Variants in ATE1 observed in about 807,000 individuals in gnomAD.
The protein encoded by ATE1 is arginyl-tRNA--protein transferase 1.
A neutral mutation model predicts 70.5 loss-of-function variants in ATE1; 36 were observed. The ratio of observed to expected loss-of-function variants is 0.51; its 90% CI spans 0.39 to 0.67. ATE1 has a LOEUF of 0.67. Ranked by LOEUF, ATE1 falls within the 30% of genes least tolerant of loss-of-function variation. ATE1 has a pLI of 0.00. For missense variants in ATE1, 593 were observed against 629.5 expected (o/e 0.94, Z 0.62); for synonymous variants, 232 against 219.3 (o/e 1.06, Z -0.51).
At chr10:121,907,532 T>C (rs962830290) in intron 5 of ATE1, among the ~76,000 whole-genome samples, 3 of 151,842 alleles carry the variant, frequency 2.0e-5, no homozygotes, top group East Asian at 3.9e-4. Context: ...CCCAGCACTT[T>C]GGGAGGCCGA....
chr10:121,899,684 C>T (rs1490312153), intron 7 of ATE1, among the ~76,000 whole-genome samples, 182 bp downstream of exon 7: 1 of 152,204 alleles, frequency 6.6e-6, no homozygotes, highest in Non-Finnish European at 1.5e-5. Context: ...TGGTACTTAA[C>T]ATGGCACTAG....
At chr10:121,747,581 A>G (rs1219501) in intron 11 of ATE1, among the ~76,000 whole-genome samples, 140,914 of 152,304 alleles carry the variant, frequency 0.93, 65,543 homozygotes, top group Non-Finnish European at 0.97. Context: ...GTGTCTTCCT[A>G]CTACTGCTAA....
At chr10:121,908,495 T>C (rs758180636) in intron 5 of ATE1, among the ~76,000 whole-genome samples, 49 of 152,148 alleles carry the variant, frequency 3.2e-4, no homozygotes, top group Non-Finnish European at 6.3e-4. Context: ...CAGAGTGAGA[T>C]TCTTTCAAAA....
At chr10:121,928,199 C>T (rs1201478001), upstream of ATE1, 5 of 1,325,014 alleles carry the variant, frequency 3.8e-6, no homozygotes, top group African/African-American at 6.2e-5. Context: ...GAGGGTGAGG[C>T]GGAGAGACAG....
In ATE1 at chr10:121,919,316, T is replaced by TG. The variant is rs538766865; in HGVS notation, c.233+3032dup. ...ACCAACTCCAGATACACCAGCACTT[T>TG]GGGGGGCTGAAGCGGGCAGATCACC... On this transcript the variant is annotated intron_variant, in intron 3 of 11. Coordinates refer to ENST00000224652, the MANE Select transcript of ATE1 (RefSeq NM_001001976.3). 2.1e-3 allele frequency among the ~76,000 whole-genome samples: 315 copies of TG among 152,158 alleles called. 2 individuals carry two copies. Among genetic ancestry groups the TG allele is most frequent in the African/African-American group, 7.3e-3 (301 of 41,506 alleles).
intron 8 of ATE1, among the ~76,000 whole-genome samples, chr10:121,847,374 G>A (rs1359978196): frequency 6.6e-6 from 1 of 152,066 alleles, no homozygotes; most frequent in Non-Finnish European, 1.5e-5. Flanking sequence ...CTTGAACCCG[G>A]GAGGCGGAGG....
At chr10:121,792,839 GA>G (rs1055187179) in intron 10 of ATE1, among the ~76,000 whole-genome samples, 32 of 151,504 alleles carry the variant, frequency 2.1e-4, no homozygotes, top group African/African-American at 7.0e-4. Context: ...AACTTCTGGG[GA>G]AAAAAAAGGA....
At position 121,827,099 on chromosome 10, in the gene ATE1, C is replaced by T. The variant is rs142202815; in HGVS notation, c.1257+9619G>A. Among the ~76,000 whole-genome samples the T allele has an allele frequency of 2.2e-3, 331 of 152,070 alleles. 1 individual carries two copies. Among genetic ancestry groups the T allele is most frequent in the Middle Eastern group, 6.8e-3 (2 of 294 alleles). ...CGCAATCCCAGCTCACTGAAACCTC[C>T]GCCTTCTGGGTTCAAGCAATTCTCC... On this transcript the variant is annotated intron_variant, in intron 10 of 11. Coordinates refer to ENST00000224652, the MANE Select transcript of ATE1 (RefSeq NM_001001976.3).
At chr10:121,908,169 C>A (rs908236981) in intron 5 of ATE1, among the ~76,000 whole-genome samples, 3 of 152,066 alleles carry the variant, frequency 2.0e-5, no homozygotes, top group Non-Finnish European at 2.9e-5. Flanking sequence ...CACTGTTAGA[C>A]GTTATTTTGA....
At chr10:121,772,794 C>T (rs1945577019) in intron 11 of ATE1, among the ~76,000 whole-genome samples, 1 of 152,216 alleles carries the variant, frequency 6.6e-6, no homozygotes, top group Non-Finnish European at 1.5e-5. Context: ...CCATGAACTA[C>T]AAATTGCTTT....
chr10:121,758,729 C>G (rs1944911643), intron 11 of ATE1, among the ~76,000 whole-genome samples: 1 of 152,080 alleles, frequency 6.6e-6, no homozygotes, highest in African/African-American at 2.4e-5. Context: ...TATGTGTTTA[C>G]TTGGTTTATC....
At chr10:121,880,430 G>A (rs138098748) in intron 7 of ATE1, among the ~76,000 whole-genome samples, 8 of 151,900 alleles carry the variant, frequency 5.3e-5, no homozygotes, top group East Asian at 1.9e-4. Context: ...AACATGCCCC[G>A]AATTAAATGA....
chr10:121,872,656 G>A (rs1278533975), intron 7 of ATE1, among the ~76,000 whole-genome samples: 2 of 151,820 alleles, frequency 1.3e-5, no homozygotes, highest in Non-Finnish European at 2.9e-5. Flanking sequence ...TATATACACT[G>A]CAATTGAAAG....
intron 8 of ATE1, among the ~76,000 whole-genome samples, chr10:121,850,542 A>C (rs1333544422): frequency 1.3e-5 from 2 of 152,248 alleles, no homozygotes; most frequent in African/African-American, 4.8e-5. Context: ...TCTTGGTATC[A>C]TGAAATAATT....
chr10:121,928,234 A>G, upstream of ATE1: 1 of 1,367,440 alleles, frequency 7.3e-7, no homozygotes, highest in Non-Finnish European at 9.6e-7. Flanking sequence ...CAGGATGGGG[A>G]GAGTCAAGAG....
intron 8 of ATE1, among the ~76,000 whole-genome samples, chr10:121,845,427 T>C (rs886492259): frequency 3.3e-5 from 5 of 152,210 alleles, no homozygotes; most frequent in Admixed American, 1.3e-4. Flanking sequence ...ATTTAGGAGT[T>C]TGCAGCATCC....
chr10:121,745,102 A>G (rs1944296033), intron 11 of ATE1, among the ~76,000 whole-genome samples: 1 of 152,232 alleles, frequency 6.6e-6, no homozygotes, highest in Non-Finnish European at 1.5e-5. Context: ...GCCTATGTCT[A>G]GATATTTACA....
intron 7 of ATE1, among the ~76,000 whole-genome samples, chr10:121,879,106 G>GTA (rs1456813564): frequency 6.6e-6 from 1 of 152,114 alleles, no homozygotes; most frequent in Admixed American, 6.5e-5. Context: ...ATGGCAAAAA[G>GTA]TATAGGTGGG....
chr10:121,871,415 C>T (rs946341590), intron 7 of ATE1, among the ~76,000 whole-genome samples: 17 of 151,998 alleles, frequency 1.1e-4, no homozygotes, highest in African/African-American at 3.9e-4. Flanking sequence ...GCCAAGATTG[C>T]GCCACTGCAC....
Sources: gnomAD v4.1 joint callset for allele counts (sites outside exome capture counted in the v4.1 genomes callset) on GRCh38, gnomAD v4.1.1 for gene constraint, MANE v1.5 for transcripts, NCBI Gene and HGNC (gene_info 2026-07-23, HGNC 2026-07-21) for gene names.